Variants in CRMP1 observed in about 807,000 individuals in gnomAD.
CRMP1 encodes the protein dihydropyrimidinase-related protein 1.
Under a neutral mutation model 68.3 loss-of-function variants are expected in CRMP1, and 19 were observed. The observed-to-expected ratio is 0.28, with a 90% CI of 0.19 to 0.41. The LOEUF (loss-of-function observed/expected upper bound fraction) is 0.41, where lower values mean the gene tolerates loss of function less well. CRMP1 is among the 10% of genes least tolerant of loss of function. The pLI, the probability that CRMP1 is intolerant of heterozygous loss-of-function variation, is 1.00. For missense variants in CRMP1, 791 were observed against 967.4 expected (o/e 0.82, Z 2.42); for synonymous variants, 439 against 399.6 (o/e 1.10, Z -1.18).
Position 5,843,171 on chromosome 4 carries a change from A to G in CRMP1, c.964-10T>C. The G allele has an allele frequency of 6.2e-7, 1 of 1,614,086 alleles. No individual in the cohort carries two copies. Among genetic ancestry groups the G allele is most frequent in the South Asian group, 1.1e-5 (1 of 91,074 alleles). On this transcript the variant is annotated splice_polypyrimidine_tract_variant and intron_variant, in intron 6 of 13. Coordinates refer to ENST00000324989, the MANE Select transcript of CRMP1 (RefSeq NM_001014809.3). This position sits in a 1 kb window ranked among gnomAD's most constrained non-coding sequence, Gnocchi z 4.1. ...GGATCCGCTTTTGTTCCTACAAGAC[A>G]AGAACAAGTGAGTTAACGATTAGAG...
Position 5,866,084 on chromosome 4 carries a change from G to A in CRMP1, c.470+584C>T, listed in dbSNP as rs1021674335. On this transcript the variant is annotated intron_variant, in intron 2 of 13. Transcript: ENST00000324989. This position sits in a 1 kb window ranked among gnomAD's most constrained non-coding sequence, Gnocchi z 5.9. ...GTGGCATTCCATTCCGGCAGCCAGC[G>A]CTGGCTAAGACACCTGGGTTGTCAT... is the stretch of plus-strand genomic sequence containing the variant. 1.3e-5 allele frequency among the ~76,000 whole-genome samples: 2 copies of A among 152,180 alleles called. No individual in the cohort carries two copies. Among genetic ancestry groups the A allele is most frequent in the African/African-American group, 2.4e-5 (1 of 41,436 alleles).
At chr4:5,827,171 T>C (rs1422368696) in intron 12 of CRMP1, among the ~76,000 whole-genome samples, 2 of 152,220 alleles carry the variant, frequency 1.3e-5, no homozygotes, top group East Asian at 3.9e-4. Context: ...GGGTCAGATA[T>C]CTGCCCTCAC....
In CRMP1 at chr4:5,893,017, G is replaced by T; in HGVS notation, c.-48C>A. On this transcript the variant is annotated 5_prime_UTR_variant, in exon 1 of 14. Transcript: ENST00000324989. ...ACCGCGCTCCCGCCTGCCCGCCCGC[G>T]GCCCTGGGCACCGCCGTGCGCCGCG... The T allele has an allele frequency of 9.0e-7, 1 of 1,114,874 alleles. No homozygotes were observed. The highest frequency in any genetic ancestry group is 1.1e-6 in the Non-Finnish European group (1 of 910,756). 69.1% of individuals were successfully genotyped at this position (1,114,874 alleles called of 1,614,324 possible). A position where few individuals can be genotyped will look rare whatever the true frequency, so the allele number is the denominator to read the frequency against.
intron 12 of CRMP1, chr4:5,828,104 G>C: frequency 3.0e-6 from 3 of 985,432 alleles, no homozygotes; most frequent in Non-Finnish European, 3.6e-6. Flanking sequence ...TTTCTGAGCC[G>C]TGACTCTGGC....
intron 6 of CRMP1, among the ~76,000 whole-genome samples, chr4:5,845,322 C>T (rs1712111022): frequency 6.6e-6 from 1 of 152,238 alleles, no homozygotes; most frequent in African/African-American, 2.4e-5. Context: ...GTTACAGAGA[C>T]TCTGGCTTCC....
chr4:5,840,583 G>A (rs1260781868), intron 8 of CRMP1, among the ~76,000 whole-genome samples: 3 of 152,236 alleles, frequency 2.0e-5, no homozygotes, highest in Admixed American at 6.5e-5. Flanking sequence ...GCCACATGTG[G>A]CTGTTAAGCT....
Position 5,866,347 on chromosome 4 carries a change from TA to T in CRMP1, c.470+320del, listed in dbSNP as rs1437630803. ...ACTCACCCCGTCATATGGGGCCAGGTACCCAGACTCATTGGCCTGCCGCCTC... is the reference window on the plus strand; with the variant it reads ...ACTCACCCCGTCATATGGGGCCAGGTCCCAGACTCATTGGCCTGCCGCCTC... On this transcript the variant is annotated intron_variant, in intron 2 of 13. Transcript: ENST00000324989. This position sits in a 1 kb window ranked among gnomAD's most constrained non-coding sequence, Gnocchi z 5.9. Among the ~76,000 whole-genome samples, 1 of 152,202 alleles carries T rather than the reference TA, an allele frequency of 6.6e-6. No individual in the cohort carries two copies. Among genetic ancestry groups the T allele is most frequent in the East Asian group, 1.9e-4 (1 of 5,192 alleles).
chr4:5,844,471 A>G lies in CRMP1; in HGVS notation c.964-1310T>C, dbSNP rs113565646. On this transcript the variant is annotated intron_variant, in intron 6 of 13. Coordinates refer to ENST00000324989, the MANE Select transcript of CRMP1 (RefSeq NM_001014809.3). The stretch of plus-strand genomic sequence containing the variant: ...GATGACATGATGAAGAAAAACAAAG[A>G]CGAGAGTAGGATTTCTAGTCTAAAA... 1.1e-4 allele frequency among the ~76,000 whole-genome samples: 17 copies of G among 152,228 alleles called. 5 individuals carry two copies. The highest frequency in any genetic ancestry group is 3.6e-4 in the African/African-American group (15 of 41,530).
At chr4:5,846,942 G>A (rs1480279707) in intron 6 of CRMP1, among the ~76,000 whole-genome samples, 1 of 151,876 alleles carries the variant, frequency 6.6e-6, no homozygotes, top group Non-Finnish European at 1.5e-5. Context: ...TGAGCAAGAA[G>A]CAGGCTGAGA....
intron 6 of CRMP1, 47 bp downstream of exon 6, chr4:5,849,345 A>C: frequency 2.0e-6 from 3 of 1,471,864 alleles, no homozygotes; most frequent in Non-Finnish European, 2.8e-6. Context: ...TTTTGCAACA[A>C]GGAGAATCAG....
chr4:5,827,596 C>T (rs537539576), intron 12 of CRMP1, among the ~76,000 whole-genome samples: 31 of 152,200 alleles, frequency 2.0e-4, no homozygotes, highest in African/African-American at 7.5e-4. Context: ...ACAGAGCTCA[C>T]CACATGCTCG....
At chr4:5,828,796 C>G (rs1244103672) in intron 11 of CRMP1, 128 bp from the exon 12 acceptor site, 5 of 1,152,738 alleles carry the variant, frequency 4.3e-6, no homozygotes, top group African/African-American at 1.6e-5. Flanking sequence ...TCTAAAAATA[C>G]CTTTTATTGA....
chr4:5,872,413 G>A lies in CRMP1; in HGVS notation c.382-5657C>T, dbSNP rs527881871. Among the ~76,000 whole-genome samples the A allele has an allele frequency of 4.3e-4, 66 of 152,314 alleles. No homozygotes were observed. Among genetic ancestry groups the A allele is most frequent in the Non-Finnish European group, 1.5e-4 (10 of 68,032 alleles). On this transcript the variant is annotated intron_variant, in intron 1 of 13. Coordinates refer to ENST00000324989, the MANE Select transcript of CRMP1 (RefSeq NM_001014809.3). This position sits in a 1 kb window ranked among gnomAD's most constrained non-coding sequence, Gnocchi z 4.6. The stretch of plus-strand genomic sequence containing the variant: ...TTATTATGTATAACCTAGGCCAGGT[G>A]CGGTGGCTCACGCCTGTAATCCCAG...
Position 5,825,775 on chromosome 4 carries a change from TGCACA to T in CRMP1, c.1804-121_1804-117del, listed in dbSNP as rs1479709949. Reference sequence around the variant, plus strand: ...AACCTGAGGTCACTTCAAATGTGCATGCACACACACACACAACACGCACACACGAC... The same window carrying T: ...AACCTGAGGTCACTTCAAATGTGCATCACACACACAACACGCACACACGAC... On this transcript the variant is annotated intron_variant, in intron 12 of 13. Coordinates refer to ENST00000324989, the MANE Select transcript of CRMP1 (RefSeq NM_001014809.3). The surrounding 1 kb of genome is among the most constrained non-coding windows in gnomAD (Gnocchi z 4.4). 3.9e-5 allele frequency: 38 copies of T among 967,792 alleles called. No individual in the cohort carries two copies. The highest frequency in any genetic ancestry group is 2.2e-4 in the Middle Eastern group (1 of 4,622). The allele number at this position is 967,792 out of a possible 1,614,324, so 60.0% of individuals were successfully genotyped here.
rs373390925 is a variant in CRMP1 at position 5,835,949 on chromosome 4, T to C, written c.1589A>G (p.Lys530Arg). The change falls in exon 11 of 14, where the codon AAG (lysine) becomes AGG (arginine). Residue 530 changes from lysine to arginine, a missense_variant. By Grantham distance (26) the Lys-to-Arg change is conservative. This residue lies in a region of CRMP1 where 594 missense variants were observed against 763.6 expected (regional missense o/e 0.78). Coordinates refer to ENST00000324989, the MANE Select transcript of CRMP1 (RefSeq NM_001014809.3). ...DADVVIWDPD[K>R]LKTITAKSHK... ...ACTTTTGGCTGTTATGGTCTTCAAC[T>C]TGTCGGGGTCCCAGATGACCACGTC... 5.7e-6 allele frequency: 9 copies of C among 1,584,082 alleles called. No individual in the cohort carries two copies. The East Asian group carries it at 2.1e-4, about 37-fold the overall frequency.
intron 13 of CRMP1, chr4:5,824,802 G>A (rs1379358629): frequency 1.0e-6 from 1 of 985,230 alleles, no homozygotes; most frequent in Admixed American, 6.2e-5. Context: ...AGAGTTTGCA[G>A]GACAAAATTC....
Position 5,821,181 on chromosome 4 carries a change from C to T in CRMP1, c.*579G>A, listed in dbSNP as rs1718481644. The T allele has an allele frequency of 6.5e-6, 1 of 152,704 alleles. No homozygotes were observed. Among genetic ancestry groups the T allele is most frequent in the Admixed American group, 6.5e-5 (1 of 15,354 alleles). The allele number at this position is 152,704 out of a possible 1,614,324, so 9.5% of individuals were successfully genotyped here. ...CTAGTGCAAGGCTTCCCCTGCCATT[C>T]CGAGAATTCACGGATCTCACAGGTG... On this transcript the variant is annotated 3_prime_UTR_variant, in exon 14 of 14. Transcript: ENST00000324989. The surrounding 1 kb of genome is among the most constrained non-coding windows in gnomAD (Gnocchi z 4.4).
chr4:5,825,307 C>G lies in CRMP1; in HGVS notation c.1969+187G>C. 1.0e-6 allele frequency: 1 copy of G among 985,306 alleles called. No individual in the cohort carries two copies. The highest frequency in any genetic ancestry group is 1.2e-6 in the Non-Finnish European group (1 of 829,916). 61.0% of individuals were successfully genotyped at this position (985,306 alleles called of 1,614,324 possible). A position where few individuals can be genotyped will look rare whatever the true frequency, so the allele number is the denominator to read the frequency against. On this transcript the variant is annotated intron_variant, in intron 13 of 13. Coordinates refer to ENST00000324989, the MANE Select transcript of CRMP1 (RefSeq NM_001014809.3). This position sits in a 1 kb window ranked among gnomAD's most constrained non-coding sequence, Gnocchi z 4.4. ...TGTTGCCCCCCTAACATGGACCCCC[C>G]TCTGCTTGGTGACCATGCCAGCCCA... is the stretch of plus-strand genomic sequence containing the variant.
intron 11 of CRMP1, among the ~76,000 whole-genome samples, chr4:5,830,583 T>G (rs1720299474): frequency 6.6e-6 from 1 of 152,266 alleles, no homozygotes; most frequent in Admixed American, 6.5e-5. Context: ...CACAATTGGA[T>G]GAGTAACTAT....
Sources: allele counts gnomAD v4.1 joint callset (sites outside exome capture counted in the v4.1 genomes callset), GRCh38; gene constraint gnomAD v4.1.1; regional missense constraint gnomAD v4.1.1; non-coding constraint Gnocchi (gnomAD v3.1); transcripts MANE v1.5; gene names NCBI Gene and HGNC (gene_info 2026-07-23, HGNC 2026-07-21).